TBC1D9: variants seen among roughly 807,000 people sequenced by gnomAD.
TBC1D9 encodes the protein TBC1 domain family member 9.
TBC1D9 carries 63 observed loss-of-function variants against 132.0 expected under a neutral mutation model. That is an observed-to-expected ratio of 0.48 (90% CI 0.39 to 0.59). The LOEUF (loss-of-function observed/expected upper bound fraction) is 0.59, where lower values mean the gene tolerates loss of function less well. Among genes scored for constraint, TBC1D9 ranks in the 20% least tolerant of loss-of-function variants. The probability of loss-of-function intolerance (pLI) is 0.00; values close to 1 mark genes in which losing one functional copy is unlikely to be tolerated. For missense variants in TBC1D9, 1,261 were observed against 1,592.7 expected (o/e 0.79, Z 3.54); for synonymous variants, 610 against 609.9 (o/e 1.00, Z 0.00).
chr4:140,733,133 G>T (rs1405141775), intron 1 of TBC1D9, among the ~76,000 whole-genome samples: 3 of 151,748 alleles, frequency 2.0e-5, no homozygotes, highest in Non-Finnish European at 4.4e-5. Flanking sequence ...ATCCATGGTG[G>T]AAAAACAAAA....
Position 140,669,784 on chromosome 4 carries a change from G to A in TBC1D9, c.1287C>T (p.Ser429=). ...TTCTCTGGGGGCTGGAGGAGACGAG[G>A]CTGCTGGGTCGAGAGTACACCTGTC... The part of the protein sequence containing the change: ...SDDEVYSRPS[S]LVSSSPQRST... Residue 429 remains serine (S), a synonymous_variant, in exon 8 of 21, where the codon AGC becomes AGT. Coordinates refer to ENST00000442267, the MANE Select transcript of TBC1D9 (RefSeq NM_015130.3). 2 of 1,613,802 alleles carry A rather than the reference G, an allele frequency of 1.2e-6. No homozygotes were observed. The highest frequency in any genetic ancestry group is 1.7e-6 in the Non-Finnish European group (2 of 1,179,780).
At chr4:140,734,428 C>T (rs903101685) in intron 1 of TBC1D9, among the ~76,000 whole-genome samples, 1 of 152,170 alleles carries the variant, frequency 6.6e-6, no homozygotes, top group Admixed American at 6.6e-5. Context: ...CCACACCCAG[C>T]CAGATGGTGG....
rs185700853 is a variant in TBC1D9 at position 140,639,488 on chromosome 4, C to T, written c.2338-60G>A. 2.9e-4 allele frequency: 335 copies of T among 1,174,944 alleles called. 2 individuals are homozygous for T. The African/African-American group carries it at 4.1e-3, about 14-fold the overall frequency. 72.8% of individuals were successfully genotyped at this position (1,174,944 alleles called of 1,614,324 possible). A position where few individuals can be genotyped will look rare whatever the true frequency, so the allele number is the denominator to read the frequency against. On this transcript the variant is annotated intron_variant, in intron 13 of 20. Transcript: ENST00000442267. Reference sequence around the variant, plus strand: ...TCTCTTACAGCACACAATGTCCTGTCTGCAGAATGCCTGCAACACACTCTT... The same window carrying T: ...TCTCTTACAGCACACAATGTCCTGTTTGCAGAATGCCTGCAACACACTCTT...
At chr4:140,738,586 T>C (rs1433227875) in intron 1 of TBC1D9, among the ~76,000 whole-genome samples, 1 of 152,228 alleles carries the variant, frequency 6.6e-6, no homozygotes, top group Non-Finnish European at 1.5e-5. Context: ...ATCCTCAACC[T>C]TGGCAAAATA....
At chr4:140,647,791 T>C (rs186554666) in intron 13 of TBC1D9, among the ~76,000 whole-genome samples, 1 of 152,308 alleles carries the variant, frequency 6.6e-6, no homozygotes, top group Admixed American at 6.5e-5. Context: ...GGCCCTTCCC[T>C]CTGGAGCAAA....
Position 140,644,194 on chromosome 4 carries a change from G to A in TBC1D9, c.2338-4766C>T, listed in dbSNP as rs10017841. 3.1e-3 allele frequency: 1,065 copies of A among 338,280 alleles called. 15 individuals carry two copies. The highest frequency in any genetic ancestry group is 0.021 in the African/African-American group (979 of 46,264). 21.0% of individuals were successfully genotyped at this position (338,280 alleles called of 1,614,324 possible). ...AGGGCTTGGAACGGATACCTGGGCG[G>A]CATATCTGAGAACAAGGCCTGGAAA... is the stretch of plus-strand genomic sequence containing the variant. On this transcript the variant is annotated intron_variant, in intron 13 of 20. Coordinates refer to ENST00000442267, the MANE Select transcript of TBC1D9 (RefSeq NM_015130.3).
At chr4:140,710,792 C>G (rs1439315737) in intron 1 of TBC1D9, among the ~76,000 whole-genome samples, 2 of 152,166 alleles carry the variant, frequency 1.3e-5, no homozygotes, top group African/African-American at 2.4e-5. Flanking sequence ...ATACCTTGCT[C>G]TACACCCTAA....
chr4:140,640,684 C>T (rs13124759), intron 13 of TBC1D9, among the ~76,000 whole-genome samples: 44,300 of 151,776 alleles, frequency 0.29, 7,388 homozygotes, highest in East Asian at 0.49. Flanking sequence ...GTTTTCCTTT[C>T]GCATATTTAA....
At chr4:140,734,143 C>T (rs1738639855) in intron 1 of TBC1D9, among the ~76,000 whole-genome samples, 2 of 152,068 alleles carry the variant, frequency 1.3e-5, no homozygotes, top group Admixed American at 1.3e-4. Context: ...TTGGATTTTT[C>T]TGATTTTTTT....
At chr4:140,678,915 G>C in intron 5 of TBC1D9, 27 bp downstream of exon 5, 1 of 1,607,060 alleles carries the variant, frequency 6.2e-7, no homozygotes, top group Non-Finnish European at 8.5e-7. Flanking sequence ...TCTAAAGTCT[G>C]GAAGATACAA....
At position 140,756,117 on chromosome 4, in the gene TBC1D9, G is replaced by T; in HGVS notation, c.-72C>A. 2.9e-6 allele frequency: 4 copies of T among 1,392,024 alleles called. No homozygotes were observed. The highest frequency in any genetic ancestry group is 1.3e-5 in the South Asian group (1 of 74,178). The allele number at this position is 1,392,024 out of a possible 1,614,324, so 86.2% of individuals were successfully genotyped here. ...TCCTGCACCCACCACCGCGACAGGC[G>T]CGCACTCCTGGGCACACGCGCGCCC... On this transcript the variant is annotated 5_prime_UTR_variant, in exon 1 of 21. Transcript: ENST00000442267. This position sits in a 1 kb window ranked among gnomAD's most constrained non-coding sequence, Gnocchi z 5.6.
At chr4:140,647,615 TTGCAGGG>T (rs1477098645) in intron 13 of TBC1D9, among the ~76,000 whole-genome samples, 2 of 152,234 alleles carry the variant, frequency 1.3e-5, no homozygotes, top group Admixed American at 1.3e-4. Flanking sequence ...TTGTAATCTT[TTGCAGGG>T]TGCCAAGCAA....
intron 1 of TBC1D9, among the ~76,000 whole-genome samples, chr4:140,718,507 C>T (rs1467010066): frequency 6.6e-6 from 1 of 152,158 alleles, no homozygotes; most frequent in Non-Finnish European, 1.5e-5. Context: ...CTCCTTAGCT[C>T]TTCCCAGACA....
intron 6 of TBC1D9, 149 bp downstream of exon 6, chr4:140,676,745 C>A: frequency 9.2e-7 from 1 of 1,082,754 alleles, no homozygotes; most frequent in South Asian, 1.7e-5. Context: ...ACAGCAGTGA[C>A]AACAAATGAA....
rs776800442 is a variant in TBC1D9, at chr4:140,679,823, G to T, written c.381C>A (p.Asn127Lys). 2.5e-6 allele frequency: 4 copies of T among 1,612,440 alleles called. No homozygotes were observed. The highest frequency in any genetic ancestry group is 3.4e-6 in the Non-Finnish European group (4 of 1,179,416). Residue 127 changes from asparagine to lysine, a missense_variant, in exon 4 of 21, where the codon AAC (asparagine) becomes AAA (lysine). Physicochemically the swap from Asn to Lys is moderately conservative, Grantham distance 94 (BLOSUM62 0). This residue lies in a region of TBC1D9 where 550 missense variants were observed against 699.0 expected (regional missense o/e 0.79). Coordinates refer to ENST00000442267, the MANE Select transcript of TBC1D9 (RefSeq NM_015130.3). ...GKIQGIIAEY[N>K]KINDVKEDDD... ...CATCTTCCTTTACATCATTGATTTTGTTGTATTCTGCAATGATGCCCTAAT... is the reference window on the plus strand; with the variant it reads ...CATCTTCCTTTACATCATTGATTTTTTTGTATTCTGCAATGATGCCCTAAT...
chr4:140,681,445 G>A (rs1737701666), intron 3 of TBC1D9, among the ~76,000 whole-genome samples: 1 of 152,116 alleles, frequency 6.6e-6, no homozygotes, highest in South Asian at 2.1e-4. Flanking sequence ...TGGATGGCAG[G>A]AGAAAGGGCT....
intron 1 of TBC1D9, among the ~76,000 whole-genome samples, chr4:140,705,944 A>T (rs950334168): frequency 5.9e-5 from 9 of 152,178 alleles, no homozygotes; most frequent in African/African-American, 2.2e-4. Context: ...GCATCTTATA[A>T]TGTAAAAGTG....
At chr4:140,710,318 G>A (rs1158379647) in intron 1 of TBC1D9, among the ~76,000 whole-genome samples, 2 of 152,078 alleles carry the variant, frequency 1.3e-5, no homozygotes, top group Admixed American at 1.3e-4. Context: ...TTCTTACAAA[G>A]AGGGGAGTGA....
intron 16 of TBC1D9, among the ~76,000 whole-genome samples, chr4:140,628,848 CT>C (rs1254508084): frequency 1.3e-5 from 2 of 152,124 alleles, no homozygotes; most frequent in Middle Eastern, 3.2e-3. Flanking sequence ...TCTAGAAATC[CT>C]TTTTAATTGT....
Sources: allele counts gnomAD v4.1 joint callset (sites outside exome capture counted in the v4.1 genomes callset), GRCh38; gene constraint gnomAD v4.1.1; regional missense constraint gnomAD v4.1.1; non-coding constraint Gnocchi (gnomAD v3.1); transcripts MANE v1.5; gene names NCBI Gene and HGNC (gene_info 2026-07-23, HGNC 2026-07-21).